The following PDE4D variants were observed in gnomAD, a reference collection of about 807,000 sequenced individuals.
PDE4D encodes 3',5'-cyclic-AMP phosphodiesterase 4D.
PDE4D carries 24 observed loss-of-function variants against 87.4 expected under a neutral mutation model. The ratio of observed to expected loss-of-function variants is 0.27; its 90% CI spans 0.20 to 0.39. The LOEUF (loss-of-function observed/expected upper bound fraction) is 0.39, where lower values mean the gene tolerates loss of function less well. Among genes scored for constraint, PDE4D ranks in the 10% least tolerant of loss-of-function variants. The probability of loss-of-function intolerance (pLI) is 1.00; values close to 1 mark genes in which losing one functional copy is unlikely to be tolerated. For missense variants in PDE4D, 714 were observed against 1,041.0 expected, an observed-to-expected ratio of 0.69 and a Z score of 4.32; for synonymous variants, 384 against 383.2, an observed-to-expected ratio of 1.00 and a Z score of -0.02.
intron 1 of PDE4D, chr5:59,275,732 A>T: frequency 9.6e-7 from 1 of 1,036,966 alleles, no homozygotes; most frequent in South Asian, 4.4e-5. Flanking sequence ...CAGCATAGTG[A>T]AAGAGTCACT....
At chr5:60,086,238 T>A (rs1358494255) in intron 2 of PDE4D, among the ~76,000 whole-genome samples, 1 of 152,200 alleles carries the variant, frequency 6.6e-6, no homozygotes, top group Non-Finnish European at 1.5e-5. Context: ...CTTTTTCCAA[T>A]AAGATTGAAT....
intron 1 of PDE4D, among the ~76,000 whole-genome samples, chr5:59,874,277 C>T (rs1458025769): frequency 6.6e-6 from 1 of 152,184 alleles, no homozygotes; most frequent in African/African-American, 2.4e-5. Context: ...CTTCACTCTA[C>T]TTCTCAACAT....
rs138650248 is a variant in PDE4D, at chr5:59,311,917, C to T, written c.456-95949G>A. Among the ~76,000 whole-genome samples, 255 of 152,226 alleles carry T rather than the reference C, an allele frequency of 1.7e-3. 1 individual carries two copies. The highest frequency in any genetic ancestry group is 5.6e-3 in the African/African-American group (232 of 41,550). ...ATCTCCTCCAGGGCCCTGCATCGGCCCTGGAGACTCCTCTGCTGATTCCTC... is the reference window on the plus strand; with the variant it reads ...ATCTCCTCCAGGGCCCTGCATCGGCTCTGGAGACTCCTCTGCTGATTCCTC... On this transcript the variant is annotated intron_variant, in intron 1 of 14. Transcript: ENST00000340635.
rs78802237 is a variant in PDE4D at position 59,578,086 on chromosome 5, A to G, written c.455+315082T>C. On this transcript the variant is annotated intron_variant, in intron 1 of 14. Transcript: ENST00000340635. ...ATGGATTTGTGACATTCTAACATAAACCACAGAAAGGTTCCTATTAAAAAG... is the reference window on the plus strand; with the variant it reads ...ATGGATTTGTGACATTCTAACATAAGCCACAGAAAGGTTCCTATTAAAAAG... Among the ~76,000 whole-genome samples, 506 of 152,208 alleles carry G rather than the reference A, an allele frequency of 3.3e-3. 3 individuals are homozygous for G. The highest frequency in any genetic ancestry group is 0.012 in the African/African-American group (489 of 41,548).
chr5:59,177,649 G>C (rs576392149), intron 5 of PDE4D, among the ~76,000 whole-genome samples: 1 of 152,284 alleles, frequency 6.6e-6, no homozygotes, highest in South Asian at 2.1e-4. Flanking sequence ...CAACCACGTG[G>C]TATAATTCTA....
chr5:59,053,410 C>T (rs973029517), intron 5 of PDE4D, among the ~76,000 whole-genome samples: 2 of 148,470 alleles, frequency 1.3e-5, no homozygotes, highest in South Asian at 4.3e-4. Context: ...CACACACAAT[C>T]TCTAGGGCAT....
intron 1 of PDE4D, among the ~76,000 whole-genome samples, chr5:59,723,219 G>T (rs950085998): frequency 6.6e-6 from 1 of 151,972 alleles, no homozygotes; most frequent in Admixed American, 6.6e-5. Flanking sequence ...TATACAAGGC[G>T]TTTCCTAGGA....
intron 1 of PDE4D, among the ~76,000 whole-genome samples, chr5:60,236,170 CTT>C (rs5868229): frequency 0.15 from 22,692 of 151,790 alleles, 1,830 homozygotes; most frequent in Admixed American, 0.16. Context: ...AATGTTAGGA[CTT>C]AGTGCTTGGT....
At chr5:59,812,089 A>G (rs530424667) in intron 1 of PDE4D, among the ~76,000 whole-genome samples, 1 of 152,196 alleles carries the variant, frequency 6.6e-6, no homozygotes, top group East Asian at 1.9e-4. Flanking sequence ...TTTTGTTCTC[A>G]TTTTTAGGCT....
chr5:59,114,331 A>G (rs1348287814), intron 5 of PDE4D, among the ~76,000 whole-genome samples: 10 of 152,160 alleles, frequency 6.6e-5, no homozygotes, highest in Admixed American at 6.6e-4. Context: ...TGATGCTTTT[A>G]TGACGTATTT....
intron 1 of PDE4D, among the ~76,000 whole-genome samples, chr5:59,218,523 A>T (rs2153507791): frequency 6.6e-6 from 1 of 152,306 alleles, no homozygotes; most frequent in East Asian, 1.9e-4. Flanking sequence ...AAACCAAAAC[A>T]TTTATTAATA....
At chr5:59,031,031 G>A (rs540975333) in intron 6 of PDE4D, among the ~76,000 whole-genome samples, 1 of 152,088 alleles carries the variant, frequency 6.6e-6, no homozygotes, top group African/African-American at 2.4e-5. Context: ...CCCAGTATGT[G>A]TTGCTCTCCA....
rs1417711336 is a variant in PDE4D, at chr5:59,844,643, T to C, written c.455+48525A>G. Among the ~76,000 whole-genome samples, 8 of 152,148 alleles carry C rather than the reference T, an allele frequency of 5.3e-5. No homozygotes were observed. In the East Asian group the frequency reaches 1.6e-3, roughly 30 times the overall value. On this transcript the variant is annotated intron_variant, in intron 1 of 14. Coordinates refer to ENST00000340635, the MANE Select transcript of PDE4D (RefSeq NM_001104631.2). Reference sequence around the variant, plus strand: ...CTGCCTGGAAAATCCTTCCTTGTGGTAGGCACAATTTTAAGATGGCCCCCA... The same window carrying C: ...CTGCCTGGAAAATCCTTCCTTGTGGCAGGCACAATTTTAAGATGGCCCCCA...
chr5:59,863,612 C>T (rs1485523453), intron 1 of PDE4D, among the ~76,000 whole-genome samples: 1 of 152,120 alleles, frequency 6.6e-6, no homozygotes, highest in Non-Finnish European at 1.5e-5. Context: ...GATGGTACTT[C>T]TATCTACATG....
intron 1 of PDE4D, among the ~76,000 whole-genome samples, chr5:59,619,474 A>T (rs183691399): frequency 1.3e-5 from 2 of 152,332 alleles, no homozygotes; most frequent in Admixed American, 6.5e-5. Flanking sequence ...CTGGGCCCCA[A>T]TCCCTAGTAA....
chr5:60,100,131 G>A (rs1776073881), intron 2 of PDE4D, among the ~76,000 whole-genome samples: 1 of 151,784 alleles, frequency 6.6e-6, no homozygotes, highest in Non-Finnish European at 1.5e-5. Flanking sequence ...TTTATTAATT[G>A]GTAAAATTAA....
chr5:59,619,534 G>C (rs1830103671), intron 1 of PDE4D, among the ~76,000 whole-genome samples: 1 of 152,156 alleles, frequency 6.6e-6, no homozygotes, highest in African/African-American at 2.4e-5. Context: ...CATTTTAAAA[G>C]GCTTTGCAGG....
intron 1 of PDE4D, among the ~76,000 whole-genome samples, chr5:59,652,733 A>G (rs1268060390): frequency 6.6e-6 from 1 of 151,980 alleles, no homozygotes; most frequent in Non-Finnish European, 1.5e-5. Context: ...CCATTCTTCA[A>G]ATCTCAATAC....
intron 5 of PDE4D, among the ~76,000 whole-genome samples, chr5:59,175,606 G>A (rs562278096): frequency 4.8e-5 from 7 of 146,390 alleles, no homozygotes; most frequent in South Asian, 2.3e-4. Flanking sequence ...TCAGCCTCCC[G>A]AGTAGCTGGG....
Sources: gnomAD v4.1 joint callset for allele counts (sites outside exome capture counted in the v4.1 genomes callset) on GRCh38, gnomAD v4.1.1 for gene constraint, MANE v1.5 for transcripts, NCBI Gene and HGNC (gene_info 2026-07-23, HGNC 2026-07-21) for gene names.